SLMAP: variants seen among roughly 807,000 people sequenced by gnomAD.
SLMAP encodes sarcolemma associated protein.
SLMAP carries 44 observed loss-of-function variants against 128.8 expected under a neutral mutation model. That is an observed-to-expected ratio of 0.34 (90% CI 0.27 to 0.44). The LOEUF (loss-of-function observed/expected upper bound fraction) is 0.44. Ranked by LOEUF, SLMAP falls within the 20% of genes least tolerant of loss-of-function variation. The probability of loss-of-function intolerance (pLI) is 1.00; values close to 1 mark genes in which losing one functional copy is unlikely to be tolerated. For missense variants in SLMAP, 787 were observed against 985.3 expected (o/e 0.80, Z 2.69); for synonymous variants, 327 against 348.8 (o/e 0.94, Z 0.70).
chr3:57,908,226 A>T (rs2096613919), intron 18 of SLMAP, among the ~76,000 whole-genome samples: 1 of 152,236 alleles, frequency 6.6e-6, no homozygotes, highest in African/African-American at 2.4e-5. Flanking sequence ...TGTGAAAATC[A>T]AGTAAGATCT....
intron 3 of SLMAP, among the ~76,000 whole-genome samples, chr3:57,837,095 C>G (rs866050472): frequency 2.0e-5 from 3 of 152,198 alleles, no homozygotes; most frequent in African/African-American, 7.2e-5. Flanking sequence ...CTTTTACTCC[C>G]CCTAATAGAC....
intron 2 of SLMAP, among the ~76,000 whole-genome samples, chr3:57,783,183 G>C (rs1347721350): frequency 2.0e-5 from 3 of 152,156 alleles, no homozygotes; most frequent in East Asian, 3.8e-4. Flanking sequence ...GTGGTAAATG[G>C]AGCATTAATG....
intron 14 of SLMAP, among the ~76,000 whole-genome samples, chr3:57,875,679 A>T (rs2095588802): frequency 6.6e-6 from 1 of 152,230 alleles, no homozygotes; most frequent in African/African-American, 2.4e-5. Flanking sequence ...GGTAGCAAGT[A>T]GTAAGAATTT....
At chr3:57,916,499 C>G (rs1002293531) in intron 21 of SLMAP, among the ~76,000 whole-genome samples, 2 of 152,106 alleles carry the variant, frequency 1.3e-5, no homozygotes, top group Non-Finnish European at 2.9e-5. Flanking sequence ...GACAGTGACT[C>G]CTAAGCTTTA....
chr3:57,852,883 A>G (rs2094558035), intron 6 of SLMAP, among the ~76,000 whole-genome samples: 1 of 152,220 alleles, frequency 6.6e-6, no homozygotes, highest in Non-Finnish European at 1.5e-5. Flanking sequence ...TCTTTGAGAT[A>G]AAATTATACC....
At chr3:57,917,771 C>A (rs1379375659) in intron 22 of SLMAP, 1 of 152,632 alleles carries the variant, frequency 6.6e-6, no homozygotes, top group Non-Finnish European at 1.5e-5. Context: ...TTCAGTCCTG[C>A]TGGCCTCATA....
rs573023019 is a variant in SLMAP at position 57,909,566 on chromosome 3, G to A, written c.1699+416G>A. Among the ~76,000 whole-genome samples the A allele has an allele frequency of 2.8e-3, 428 of 151,200 alleles. 3 individuals are homozygous for A. Among genetic ancestry groups the A allele is most frequent in the African/African-American group, 9.9e-3 (410 of 41,296 alleles). ...GAGAGTCCCCATTTTTCATGGCTTT[G>A]ATTCTCTAGAACCTCACATTTCAAC... On this transcript the variant is annotated intron_variant, in intron 19 of 24. Coordinates refer to ENST00000671191, the MANE Select transcript of SLMAP (RefSeq NM_001377540.1).
chr3:57,765,111 G>T (rs1484184602), intron 2 of SLMAP, among the ~76,000 whole-genome samples: 2 of 152,196 alleles, frequency 1.3e-5, no homozygotes, highest in East Asian at 1.9e-4. Flanking sequence ...CAGCTACTTG[G>T]GAGGCTGAGT....
At chr3:57,785,515 G>A (rs1270653837) in intron 2 of SLMAP, among the ~76,000 whole-genome samples, 1 of 152,140 alleles carries the variant, frequency 6.6e-6, no homozygotes, top group Non-Finnish European at 1.5e-5. Flanking sequence ...ATGATTTAAA[G>A]TTCCCTGATA....
At chr3:57,818,854 T>A (rs1042901455) in intron 2 of SLMAP, among the ~76,000 whole-genome samples, 4 of 152,228 alleles carry the variant, frequency 2.6e-5, no homozygotes, top group African/African-American at 9.6e-5. Context: ...AGAATTTGAA[T>A]GTGATACTTT....
At chr3:57,837,376 GT>G (rs2093687473) in intron 3 of SLMAP, among the ~76,000 whole-genome samples, 1 of 152,080 alleles carries the variant, frequency 6.6e-6, no homozygotes, top group African/African-American at 2.4e-5. Context: ...TTGTTTGTTT[GT>G]TTGTTTTTTG....
chr3:57,813,361 G>C (rs994891329), intron 2 of SLMAP, among the ~76,000 whole-genome samples: 25 of 152,146 alleles, frequency 1.6e-4, no homozygotes, highest in African/African-American at 5.8e-4. Flanking sequence ...TTCCCAAAGT[G>C]CTGGGATTAC....
chr3:57,850,385 G>T (rs1337636180), intron 6 of SLMAP, among the ~76,000 whole-genome samples: 2 of 152,074 alleles, frequency 1.3e-5, no homozygotes, highest in Non-Finnish European at 2.9e-5. Context: ...TTTTGTTCAA[G>T]TATGAGGAGG....
chr3:57,762,383 A>T (rs1015755780), intron 2 of SLMAP, among the ~76,000 whole-genome samples: 1 of 151,966 alleles, frequency 6.6e-6, no homozygotes, highest in Admixed American at 6.6e-5. Context: ...AAAAAAAAAA[A>T]GTTGGAAGAA....
intron 2 of SLMAP, among the ~76,000 whole-genome samples, chr3:57,790,653 C>A (rs531759020): frequency 8.6e-5 from 13 of 151,982 alleles, no homozygotes; most frequent in African/African-American, 1.9e-4. Flanking sequence ...AATGTACTTT[C>A]AACATTAAGT....
At chr3:57,927,169 T>C (rs924709482) in intron 24 of SLMAP, 127 bp from the exon 25 acceptor site, 4 of 478,830 alleles carry the variant, frequency 8.4e-6, no homozygotes, top group Non-Finnish European at 1.5e-5. Context: ...ACTTTATATT[T>C]ATGATGCAGA....
chr3:57,846,609 T>C (rs554072473), intron 4 of SLMAP, among the ~76,000 whole-genome samples: 320 of 149,366 alleles, frequency 2.1e-3, no homozygotes, highest in African/African-American at 7.6e-3. Context: ...CAGGCTGGAG[T>C]GCAGTGGCGC....
chr3:57,862,737 C>T, intron 10 of SLMAP, among the ~76,000 whole-genome samples: 1 of 150,880 alleles, frequency 6.6e-6, no homozygotes, highest in South Asian at 2.1e-4. Flanking sequence ...TTAAATTATG[C>T]TGAAAGTATG....
chr3:57,771,975 A>G (rs1217459941), intron 2 of SLMAP, among the ~76,000 whole-genome samples: 1 of 152,224 alleles, frequency 6.6e-6, no homozygotes, highest in East Asian at 1.9e-4. Flanking sequence ...TCAGTTAGGA[A>G]AAATATAAAA....
Sources: allele counts gnomAD v4.1 joint callset (sites outside exome capture counted in the v4.1 genomes callset), GRCh38; gene constraint gnomAD v4.1.1; transcripts MANE v1.5; gene names NCBI Gene and HGNC (gene_info 2026-07-23, HGNC 2026-07-21).